Variants in KCNQ1 observed in about 807,000 individuals in gnomAD.
KCNQ1 encodes the protein potassium voltage-gated channel subfamily KQT member 1.
In KCNQ1, 49 loss-of-function variants were observed where a neutral mutation model predicts 72.4. That is an observed-to-expected ratio of 0.68 (90% CI 0.54 to 0.86). The LOEUF (loss-of-function observed/expected upper bound fraction) is 0.86. Ranked by LOEUF, KCNQ1 falls within the 40% of genes least tolerant of loss-of-function variation. The pLI is 0.00. For missense variants in KCNQ1, 790 were observed against 945.1 expected (o/e 0.84, Z 2.15); for synonymous variants, 450 against 412.6 (o/e 1.09, Z -1.10).
At chr11:2,692,596 C>G (rs1850606647) in intron 11 of KCNQ1, 1 of 398,602 alleles carries the variant, frequency 2.5e-6, no homozygotes, top group African/African-American at 2.1e-5. Context: ...CAGGCTAGTT[C>G]CAGTGGGTTC....
At chr11:2,510,798 G>A (rs1847187833) in intron 1 of KCNQ1, among the ~76,000 whole-genome samples, 1 of 152,188 alleles carries the variant, frequency 6.6e-6, no homozygotes, top group Admixed American at 6.5e-5. Flanking sequence ...GGCACGCTCA[G>A]ATGCACTCCT....
In KCNQ1 at chr11:2,559,231, G is replaced by A. The variant is rs1848121344; in HGVS notation, c.478-11397G>A. Among the ~76,000 whole-genome samples the A allele has an allele frequency of 2.0e-5, 3 of 152,156 alleles. No homozygotes were observed. In the South Asian group the frequency reaches 6.2e-4, roughly 32 times the overall value. ...AGGTGCTTCCCGGGAAGCCCGTGGA[G>A]AGGATGCATTCGACACCCAAGGCCT... On this transcript the variant is annotated intron_variant, in intron 2 of 15. Transcript: ENST00000155840. The surrounding 1 kb of genome is among the most constrained non-coding windows in gnomAD (Gnocchi z 4.9).
chr11:2,525,307 C>T (rs1399054699), intron 1 of KCNQ1, among the ~76,000 whole-genome samples: 5 of 152,236 alleles, frequency 3.3e-5, no homozygotes, highest in African/African-American at 7.2e-5. Context: ...CTTGTGTCCC[C>T]GTGAGATCCA....
chr11:2,586,542 C>A (rs1296667540), intron 8 of KCNQ1, among the ~76,000 whole-genome samples: 2 of 152,184 alleles, frequency 1.3e-5, no homozygotes, highest in Non-Finnish European at 2.9e-5. Context: ...AAGCTGCACA[C>A]ACTGTGGGAG....
At chr11:2,571,223 G>A (rs1045902719) in intron 3 of KCNQ1, 102 bp from the exon 4 acceptor site, 6 of 976,302 alleles carry the variant, frequency 6.1e-6, no homozygotes, top group Non-Finnish European at 8.2e-6. Context: ...TGACCCGTCT[G>A]ACCAGCAAGC....
chr11:2,638,189 A>G (rs1564841332), intron 10 of KCNQ1: 2 of 152,148 alleles, frequency 1.3e-5, no homozygotes, highest in South Asian at 2.1e-4. Flanking sequence ...TTTAAGGTTA[A>G]TATTGTTATG....
In KCNQ1 at chr11:2,642,754, T is replaced by C. The variant is rs1156643518; in HGVS notation, c.1394-19207T>C. 1 of 397,884 alleles carries C rather than the reference T, an allele frequency of 2.5e-6. No individual in the cohort carries two copies. The highest frequency in any genetic ancestry group is 4.4e-5 in the Admixed American group (1 of 22,718). 24.6% of individuals were successfully genotyped at this position (397,884 alleles called of 1,614,324 possible). On this transcript the variant is annotated intron_variant, in intron 10 of 15. Coordinates refer to ENST00000155840, the MANE Select transcript of KCNQ1 (RefSeq NM_000218.3). The surrounding 1 kb of genome is among the most constrained non-coding windows in gnomAD (Gnocchi z 4.3). ...TTTCTGGTTCCTTCAGGTGTATCAT[T>C]AGATTATTTAAGATCTTTTCTACCT...
chr11:2,456,917 T>C (rs187840806), intron 1 of KCNQ1, among the ~76,000 whole-genome samples: 10 of 126,754 alleles, frequency 7.9e-5, no homozygotes, highest in East Asian at 4.5e-4. Flanking sequence ...CCAGCCTGGG[T>C]GACAGAGCAA....
rs11828358 is a variant in KCNQ1, at chr11:2,832,853, C to A, written c.1795-14914C>A. Among the ~76,000 whole-genome samples the A allele has an allele frequency of 5.4e-3, 818 of 152,246 alleles. 9 individuals carry two copies. The highest frequency in any genetic ancestry group is 0.019 in the African/African-American group (776 of 41,532). ...GTGTGGGGAAGGTGGCTGCCACCGCCGTGGTCCACAGGGCCTGGCCAGGGC... is the reference window on the plus strand; with the variant it reads ...GTGTGGGGAAGGTGGCTGCCACCGCAGTGGTCCACAGGGCCTGGCCAGGGC... On this transcript the variant is annotated intron_variant, in intron 15 of 15. Transcript: ENST00000155840.
chr11:2,834,700 G>T (rs1239937621), intron 15 of KCNQ1, among the ~76,000 whole-genome samples: 3 of 152,202 alleles, frequency 2.0e-5, no homozygotes, highest in Non-Finnish European at 4.4e-5. Flanking sequence ...AGCTTGGAAG[G>T]GTGTCCTTAT....
intron 10 of KCNQ1, among the ~76,000 whole-genome samples, chr11:2,597,809 G>A (rs930297296): frequency 1.3e-5 from 2 of 152,008 alleles, no homozygotes; most frequent in Non-Finnish European, 2.9e-5. Context: ...TGCATCTTTT[G>A]GAGTAATTTA....
rs1452067559 is a variant in KCNQ1 at position 2,824,840 on chromosome 11, C to T, written c.1795-22927C>T. Among the ~76,000 whole-genome samples, 2 of 152,234 alleles carry T rather than the reference C, an allele frequency of 1.3e-5. No individual in the cohort carries two copies. Among genetic ancestry groups the T allele is most frequent in the Non-Finnish European group, 2.9e-5 (2 of 68,042 alleles). ...GGCCTGTCTCAGTGCCGTGCCGCAT[C>T]CATCCTGCCCCTGGCACCGGAGGGT... On this transcript the variant is annotated intron_variant, in intron 15 of 15. Coordinates refer to ENST00000155840, the MANE Select transcript of KCNQ1 (RefSeq NM_000218.3). The surrounding 1 kb of genome is among the most constrained non-coding windows in gnomAD (Gnocchi z 5.9).
chr11:2,470,841 T>G (rs1331619137), intron 1 of KCNQ1, among the ~76,000 whole-genome samples: 1 of 152,208 alleles, frequency 6.6e-6, no homozygotes, highest in Non-Finnish European at 1.5e-5. Flanking sequence ...ACGTTTTGAC[T>G]TTGATGAAGT....
rs34320941 is a variant in KCNQ1, at chr11:2,572,954, G to C, written c.889G>C (p.Gly297Arg). 1 of 1,613,788 alleles carries C rather than the reference G, an allele frequency of 6.2e-7. No individual in the cohort carries two copies. Among genetic ancestry groups the C allele is most frequent in the Admixed American group, 1.7e-5 (1 of 60,018 alleles). The change falls in exon 6 of 16, where the codon GGC becomes CGC. Residue 297 changes from glycine to arginine, a missense_variant. Gly to Arg is a moderately radical substitution (Grantham distance 125, BLOSUM62 -2). Around this residue, in one of 5 missense-constraint regions of KCNQ1, gnomAD observed 133 missense variants for 219.5 expected, o/e 0.61. Transcript: ENST00000155840. ...AVNESGRVEF[G>R]SYADALWWGV... ...GAACGAGTCAGGCCGCGTGGAGTTC[G>C]GCAGCTACGCAGATGCGCTGTGGTG...
intron 10 of KCNQ1, chr11:2,648,981 C>CTTTTTTTTTTTTTT: frequency 6.3e-4 from 198 of 313,656 alleles, no homozygotes; most frequent in Middle Eastern, 2.2e-3. Flanking sequence ...TTTTCTTTTT[C>CTTTTTTTTTTTTTT]TTTTTTTTTT....
intron 15 of KCNQ1, among the ~76,000 whole-genome samples, chr11:2,835,645 C>A (rs990941789): frequency 6.6e-6 from 1 of 152,160 alleles, no homozygotes; most frequent in East Asian, 1.9e-4. Context: ...AGCACCACAG[C>A]GACGAGGGCC....
intron 8 of KCNQ1, among the ~76,000 whole-genome samples, chr11:2,585,598 C>G (rs1035183207): frequency 1.3e-5 from 2 of 152,240 alleles, no homozygotes; most frequent in African/African-American, 2.4e-5. Flanking sequence ...CTGAGGCTCC[C>G]TTGTGCTCCC....
At position 2,493,882 on chromosome 11, in the gene KCNQ1, A is replaced by G. The variant is rs1195080380; in HGVS notation, c.387-34046A>G. ...TAAAGTAGTTTTTTCTAATTCTGTGAAGAAAGTCAATGATAGCTTGATGGG... is the reference window on the plus strand; with the variant it reads ...TAAAGTAGTTTTTTCTAATTCTGTGGAGAAAGTCAATGATAGCTTGATGGG... On this transcript the variant is annotated intron_variant, in intron 1 of 15. Coordinates refer to ENST00000155840, the MANE Select transcript of KCNQ1 (RefSeq NM_000218.3). The surrounding 1 kb of genome is among the most constrained non-coding windows in gnomAD (Gnocchi z 5.3). Among the ~76,000 whole-genome samples, 1 of 152,204 alleles carries G rather than the reference A, an allele frequency of 6.6e-6. No homozygotes were observed. The highest frequency in any genetic ancestry group is 1.5e-5 in the Non-Finnish European group (1 of 68,040).
chr11:2,840,521 G>GTATT (rs1400771379), intron 15 of KCNQ1: 3 of 137,814 alleles, frequency 2.2e-5, no homozygotes, highest in South Asian at 4.8e-4. Flanking sequence ...AATCAAAAAA[G>GTATT]TATTAGGAAA....
Sources: allele counts gnomAD v4.1 joint callset (sites outside exome capture counted in the v4.1 genomes callset), GRCh38; gene constraint gnomAD v4.1.1; regional missense constraint gnomAD v4.1.1; non-coding constraint Gnocchi (gnomAD v3.1); transcripts MANE v1.5; gene names NCBI Gene and HGNC (gene_info 2026-07-23, HGNC 2026-07-21).